The following TTC4 variants were observed in gnomAD, a reference collection of about 807,000 sequenced individuals.
The protein encoded by TTC4 is hsp70/Hsp90 co-chaperone CNS1 homolog.
Under a neutral mutation model 51.9 loss-of-function variants are expected in TTC4, and 36 were observed. The ratio of observed to expected loss-of-function variants is 0.69; its 90% CI spans 0.53 to 0.92. The LOEUF (loss-of-function observed/expected upper bound fraction) is 0.92, where lower values mean the gene tolerates loss of function less well. Among genes scored for constraint, TTC4 ranks in the 40% least tolerant of loss-of-function variants. TTC4 has a pLI of 0.00. For synonymous variants in TTC4, 144 were observed against 164.2 expected, an observed-to-expected ratio of 0.88 and a Z score of 0.94; for missense variants, 399 against 454.6, an observed-to-expected ratio of 0.88 and a Z score of 1.11.
chr1:54,717,444 G>A (rs1645689688), intron 2 of TTC4, 48 bp from the exon 3 acceptor site: 1 of 1,418,108 alleles, frequency 7.1e-7, no homozygotes, highest in Non-Finnish European at 9.3e-7. Flanking sequence ...TTTTTAATGA[G>A]CCTTTTAAAA....
rs1646008936 is a variant in TTC4, at chr1:54,741,417, TG to T, written c.1069del (p.Val357Ter). The T allele has an allele frequency of 6.2e-7, 1 of 1,614,012 alleles. No homozygotes were observed. Among genetic ancestry groups the T allele is most frequent in the Non-Finnish European group, 8.5e-7 (1 of 1,179,974 alleles). ...TTTGTTGTGTTCACGGCAGGTACTT[TG>T]TAAAAGCCCTGACACCAGCATTTTT... ...LQVLQHQRYF[V>X]KALTPAFLVC... On this transcript the variant is annotated frameshift_variant, in exon 10 of 10. Coordinates refer to ENST00000371281, the MANE Select transcript of TTC4 (RefSeq NM_004623.5). LOFTEE classifies it high-confidence loss of function.
intron 9 of TTC4, among the ~76,000 whole-genome samples, chr1:54,738,049 T>G (rs906119101): frequency 3.3e-5 from 5 of 152,194 alleles, no homozygotes; most frequent in African/African-American, 1.2e-4. Context: ...TATAGGCACC[T>G]GCCACCACGC....
At chr1:54,723,714 G>A (rs1324738188) in intron 5 of TTC4, among the ~76,000 whole-genome samples, 1 of 152,208 alleles carries the variant, frequency 6.6e-6, no homozygotes, top group East Asian at 1.9e-4. Context: ...CTATTATATA[G>A]TTTAGATGGT....
intron 5 of TTC4, among the ~76,000 whole-genome samples, chr1:54,723,452 A>G (rs1645766819): frequency 6.6e-6 from 1 of 152,170 alleles, no homozygotes; most frequent in Non-Finnish European, 1.5e-5. Context: ...ATATACTCCC[A>G]TTCCGTAGTA....
intron 8 of TTC4, 24 bp downstream of exon 8, chr1:54,733,734 C>A (rs1313337462): frequency 3.0e-6 from 4 of 1,346,838 alleles, no homozygotes; most frequent in South Asian, 1.3e-5. Flanking sequence ...TATTTCGTTC[C>A]TCTATGGAAT....
At chr1:54,727,218 AATTT>A (rs1379487142) in intron 5 of TTC4, among the ~76,000 whole-genome samples, 2 of 152,284 alleles carry the variant, frequency 1.3e-5, no homozygotes, top group East Asian at 3.9e-4. Flanking sequence ...ATTTATGGGG[AATTT>A]ATTTTCAACA....
Position 54,741,511 on chromosome 1 carries a change from T to TAG in TTC4, c.1162_1163insAG (p.Ter388=). 3.8e-5 allele frequency: 62 copies of TAG among 1,613,672 alleles called. No individual in the cohort carries two copies. The highest frequency in any genetic ancestry group is 2.3e-4 in the Admixed American group (14 of 59,998). ...GGGGAGAAAGGTGTACCAGATACGA[T>TAG]GACTAAGCCAGGGCCCCTGGATCTC... The part of the protein sequence containing the change: ...LRGRKVYQIR[*] Residue 388 remains the stop codon, a frameshift_variant and stop_retained_variant, in exon 10 of 10, where the codon TGA becomes TAGGA. Coordinates refer to ENST00000371281, the MANE Select transcript of TTC4 (RefSeq NM_004623.5). LOFTEE classifies it high-confidence loss of function.
At chr1:54,723,683 A>T (rs1483839092) in intron 5 of TTC4, among the ~76,000 whole-genome samples, 1 of 152,202 alleles carries the variant, frequency 6.6e-6, no homozygotes, top group Non-Finnish European at 1.5e-5. Context: ...GGAGAATTAA[A>T]ATATTTCCTA....
At chr1:54,717,412 T>C (rs1393484747) in intron 2 of TTC4, 80 bp from the exon 3 acceptor site, 2 of 1,320,028 alleles carry the variant, frequency 1.5e-6, no homozygotes, top group African/African-American at 3.0e-5. Flanking sequence ...ATATAGTACA[T>C]TATTACATGA....
intron 3 of TTC4, among the ~76,000 whole-genome samples, chr1:54,720,831 T>C (rs1645734498): frequency 6.6e-6 from 1 of 152,234 alleles, no homozygotes; most frequent in South Asian, 2.1e-4. Flanking sequence ...ATTTGCTTTC[T>C]AATTTACCCT....
At position 54,721,177 on chromosome 1, in the gene TTC4, G is replaced by T; in HGVS notation, c.406G>T (p.Ala136Ser). ...AQYYLGNFRSALNDVTAARKL... is the reference protein window; with the variant it reads ...AQYYLGNFRSSLNDVTAARKL... ...TGTTTTGTTAGGCAATTTTCGTTCT[G>T]CTCTCAATGATGTGACAGCTGCCAG... The change falls in exon 4 of 10, where the codon GCT becomes TCT. Residue 136 changes from alanine (A) to serine (S), a missense_variant. Ala to Ser is a moderately conservative substitution (Grantham distance 99). Transcript: ENST00000371281. 1 of 1,613,294 alleles carries T rather than the reference G, an allele frequency of 6.2e-7. No homozygotes were observed. The highest frequency in any genetic ancestry group is 8.5e-7 in the Non-Finnish European group (1 of 1,179,480).
At chr1:54,718,827 A>G (rs372146940) in intron 3 of TTC4, among the ~76,000 whole-genome samples, 4 of 151,926 alleles carry the variant, frequency 2.6e-5, no homozygotes, top group Non-Finnish European at 4.4e-5. Flanking sequence ...GGGTCTCGCT[A>G]TGTTGCCCAG....
intron 1 of TTC4, 129 bp downstream of exon 1, chr1:54,716,148 A>G: frequency 7.7e-6 from 6 of 775,262 alleles, no homozygotes; most frequent in Non-Finnish European, 1.1e-5. Flanking sequence ...TTTCTAGTTG[A>G]GTATTGAAAA....
At chr1:54,738,249 A>G (rs111373930) in intron 9 of TTC4, among the ~76,000 whole-genome samples, 5,770 of 152,246 alleles carry the variant, frequency 0.038, 152 homozygotes, top group South Asian at 0.079. Context: ...CTTAGTCGCT[A>G]TCACGAGAAC....
chr1:54,739,037 A>G (rs999856549), intron 9 of TTC4, among the ~76,000 whole-genome samples: 2 of 144,472 alleles, frequency 1.4e-5, no homozygotes, highest in Non-Finnish European at 3.0e-5. Flanking sequence ...CTTATTTTGA[A>G]TTTTTTTTTT....
chr1:54,728,312 C>T, intron 5 of TTC4, 34 bp from the exon 6 acceptor site: 1 of 1,589,910 alleles, frequency 6.3e-7, no homozygotes, highest in Non-Finnish European at 8.6e-7. Flanking sequence ...GAAGCCAGGT[C>T]TCTAGAGCTG....
At chr1:54,734,373 G>A (rs1372775363) in intron 8 of TTC4, among the ~76,000 whole-genome samples, 1 of 151,380 alleles carries the variant, frequency 6.6e-6, no homozygotes, top group East Asian at 1.9e-4. Flanking sequence ...TGCCCAACCA[G>A]AATTGTTTTC....
At chr1:54,723,278 TC>T (rs1353083173) in intron 5 of TTC4, among the ~76,000 whole-genome samples, 1 of 152,204 alleles carries the variant, frequency 6.6e-6, no homozygotes, top group Non-Finnish European at 1.5e-5. Context: ...GTAAGTACAT[TC>T]CATGATGCTT....
rs148437000 is a variant in TTC4, at chr1:54,741,485, G to A, written c.1136G>A (p.Arg379Gln). 1.3e-5 allele frequency: 21 copies of A among 1,613,914 alleles called. No individual in the cohort carries two copies. In the African/African-American group the frequency reaches 2.1e-4, roughly 16 times the overall value. The change falls in exon 10 of 10, where the codon CGG becomes CAG. Residue 379 changes from arginine (R) to glutamine (Q), a missense_variant. By Grantham distance (43) the Arg-to-Gln change is conservative. Around this residue, in one of 3 missense-constraint regions of TTC4, gnomAD observed 64 missense variants for 61.3 expected, o/e 1.04. Transcript: ENST00000371281. ...GSSPFCKNFL[R>Q]GRKVYQIR ...TCTCCTTTTTGCAAGAATTTTCTCC[G>A]GGGGAGAAAGGTGTACCAGATACGA... is the stretch of plus-strand genomic sequence containing the variant.
Sources: allele counts gnomAD v4.1 joint callset (sites outside exome capture counted in the v4.1 genomes callset), GRCh38; gene constraint gnomAD v4.1.1; regional missense constraint gnomAD v4.1.1; transcripts MANE v1.5; gene names NCBI Gene and HGNC (gene_info 2026-07-23, HGNC 2026-07-21).